FBXO42: variants seen among roughly 807,000 people sequenced by gnomAD.
The protein encoded by FBXO42 is F-box protein 42, also known as F-box only protein 42.
In FBXO42, 12 loss-of-function variants were observed where a neutral mutation model predicts 71.7. That is an observed-to-expected ratio of 0.17 (90% CI 0.11 to 0.27). The LOEUF (loss-of-function observed/expected upper bound fraction) is 0.27. FBXO42 is among the 10% of genes least tolerant of loss of function. The probability of loss-of-function intolerance (pLI) is 1.00; values close to 1 mark genes in which losing one functional copy is unlikely to be tolerated. For synonymous variants in FBXO42, 325 were observed against 327.5 expected, an observed-to-expected ratio of 0.99 and a Z score of 0.08; for missense variants, 707 against 911.9, an observed-to-expected ratio of 0.78 and a Z score of 2.89.
intron 1 of FBXO42, among the ~76,000 whole-genome samples, chr1:16,321,576 C>G (rs571148698): frequency 6.6e-6 from 1 of 152,250 alleles, no homozygotes; most frequent in East Asian, 1.9e-4. Flanking sequence ...AATCTGAACT[C>G]CCTGGAGGCA....
In FBXO42 at chr1:16,247,741, T is replaced by A. The variant is rs1055873922; in HGVS notation, c.*2929A>T. ...ACACCAAATTTGTGCTCCCAAAGTG[T>A]AGGGTAGGGTGAGGTTGTGGAGTCC... On this transcript the variant is annotated 3_prime_UTR_variant, in exon 10 of 10. Transcript: ENST00000375592. 2.0e-5 allele frequency: 3 copies of A among 152,024 alleles called. No individual in the cohort carries two copies. The highest frequency in any genetic ancestry group is 6.6e-5 in the Admixed American group (1 of 15,266). 9.4% of individuals were successfully genotyped at this position (152,024 alleles called of 1,614,324 possible). A position where few individuals can be genotyped will look rare whatever the true frequency, so the allele number is the denominator to read the frequency against.
intron 2 of FBXO42, among the ~76,000 whole-genome samples, chr1:16,314,100 C>T (rs1007768335): frequency 5.9e-5 from 9 of 152,026 alleles, no homozygotes; most frequent in African/African-American, 1.9e-4. Flanking sequence ...ATTAGGTGCC[C>T]ACCACCACAC....
At chr1:16,262,990 C>A (rs1171877439) in intron 4 of FBXO42, among the ~76,000 whole-genome samples, 1 of 151,952 alleles carries the variant, frequency 6.6e-6, no homozygotes, top group East Asian at 1.9e-4. Context: ...GGATTACAGG[C>A]GTGAGCCACA....
chr1:16,342,553 G>C (rs1352417895), intron 1 of FBXO42, among the ~76,000 whole-genome samples: 1 of 147,640 alleles, frequency 6.8e-6, no homozygotes, highest in East Asian at 2.0e-4. Flanking sequence ...CTGCACTCCA[G>C]TCTGGGAGGC....
rs1278763184 is a variant in FBXO42 at position 16,251,163 on chromosome 1, C to T, written c.1661G>A (p.Gly554Asp). ...ASALAGAVSP[G>D]ALRRSLEAIK... ...GGCTTCCAGACTCCGACGCAGGGCA[C>T]CTGGGGAGACGGCCCCTGCAAGGGC... The change falls in exon 10 of 10, where the codon GGT becomes GAT. Residue 554 changes from glycine to aspartate, a missense_variant. Coordinates refer to ENST00000375592, the MANE Select transcript of FBXO42 (RefSeq NM_018994.3). This position sits in a 1 kb window ranked among gnomAD's most constrained non-coding sequence, Gnocchi z 4.5. 1.9e-6 allele frequency: 3 copies of T among 1,614,134 alleles called. No individual in the cohort carries two copies. Among genetic ancestry groups the T allele is most frequent in the Non-Finnish European group, 1.7e-6 (2 of 1,180,034 alleles).
intron 1 of FBXO42, among the ~76,000 whole-genome samples, chr1:16,324,836 C>T (rs1023351125): frequency 2.6e-5 from 4 of 151,862 alleles, no homozygotes; most frequent in Non-Finnish European, 2.9e-5. Flanking sequence ...AAAACAACAA[C>T]AAAAATAAAG....
chr1:16,251,910 T>A lies in FBXO42; in HGVS notation c.1039-125A>T. On this transcript the variant is annotated intron_variant, in intron 9 of 9. Transcript: ENST00000375592. The surrounding 1 kb of genome is among the most constrained non-coding windows in gnomAD (Gnocchi z 4.5). ...TTTGTAGGTACCTGAGATATGAAGATGAAAATGATGTAGTCTGCCCTCTAG... is the reference window on the plus strand; with the variant it reads ...TTTGTAGGTACCTGAGATATGAAGAAGAAAATGATGTAGTCTGCCCTCTAG... 2.5e-6 allele frequency: 3 copies of A among 1,207,774 alleles called. No homozygotes were observed. The highest frequency in any genetic ancestry group is 3.4e-6 in the Non-Finnish European group (3 of 877,470). 74.8% of individuals were successfully genotyped at this position (1,207,774 alleles called of 1,614,324 possible). A position where few individuals can be genotyped will look rare whatever the true frequency, so the allele number is the denominator to read the frequency against.
chr1:16,267,385 T>C (rs965170694), intron 4 of FBXO42, among the ~76,000 whole-genome samples: 3 of 152,148 alleles, frequency 2.0e-5, no homozygotes, highest in African/African-American at 7.2e-5. Flanking sequence ...GCTCTTTAAT[T>C]GCAGTTCTAA....
intron 4 of FBXO42, among the ~76,000 whole-genome samples, chr1:16,260,576 T>C (rs1168068927): frequency 6.6e-6 from 1 of 152,202 alleles, no homozygotes; most frequent in Non-Finnish European, 1.5e-5. Flanking sequence ...AAATTCCTAG[T>C]TTTATTCCTA....
intron 2 of FBXO42, among the ~76,000 whole-genome samples, chr1:16,307,721 G>T (rs1023171579): frequency 6.6e-6 from 1 of 152,028 alleles, no homozygotes; most frequent in South Asian, 2.1e-4. Flanking sequence ...GAAATACTTA[G>T]ATATAACAAA....
At chr1:16,310,082 C>T (rs111721885) in intron 2 of FBXO42, among the ~76,000 whole-genome samples, 3,889 of 151,444 alleles carry the variant, frequency 0.026, 144 homozygotes, top group African/African-American at 0.09. Context: ...GTAGTCCCAG[C>T]TACTCGGGAG....
intron 4 of FBXO42, among the ~76,000 whole-genome samples, chr1:16,289,029 G>T (rs1189624179): frequency 6.6e-6 from 1 of 151,804 alleles, no homozygotes; most frequent in African/African-American, 2.4e-5. Flanking sequence ...AATATTGATG[G>T]CCTTCTGTCT....
intron 3 of FBXO42, among the ~76,000 whole-genome samples, chr1:16,304,946 G>A (rs2082234246): frequency 2.0e-5 from 3 of 152,044 alleles, no homozygotes; most frequent in Non-Finnish European, 4.4e-5. Flanking sequence ...TCCACCCTGG[G>A]CAACAGAGAC....
At chr1:16,275,444 G>A (rs1249525966) in intron 4 of FBXO42, among the ~76,000 whole-genome samples, 3 of 152,034 alleles carry the variant, frequency 2.0e-5, no homozygotes, top group Non-Finnish European at 4.4e-5. Context: ...ACAGTGAGAC[G>A]CTGTCTCTAC....
intron 1 of FBXO42, among the ~76,000 whole-genome samples, chr1:16,332,056 A>G (rs1393077008): frequency 1.3e-5 from 2 of 152,208 alleles, no homozygotes; most frequent in African/African-American, 2.4e-5. Flanking sequence ...TCTCCAAAAA[A>G]AAAAAGAAAA....
intron 3 of FBXO42, among the ~76,000 whole-genome samples, chr1:16,295,920 C>T (rs965206503): frequency 2.0e-5 from 3 of 152,100 alleles, no homozygotes; most frequent in South Asian, 2.1e-4. Flanking sequence ...CCAAGGCATG[C>T]TGGTTGGAGC....
chr1:16,318,138 G>A (rs953323820), intron 1 of FBXO42, among the ~76,000 whole-genome samples: 1 of 152,210 alleles, frequency 6.6e-6, no homozygotes, highest in African/African-American at 2.4e-5. Context: ...TCAAAATACT[G>A]GCCGGGTGCA....
chr1:16,330,284 G>A (rs763541579), intron 1 of FBXO42, among the ~76,000 whole-genome samples: 4 of 152,102 alleles, frequency 2.6e-5, no homozygotes, highest in Non-Finnish European at 4.4e-5. Flanking sequence ...ACTTTGAGAC[G>A]CCAAGATGAG....
intron 1 of FBXO42, among the ~76,000 whole-genome samples, chr1:16,335,842 G>A (rs933702326): frequency 1.3e-5 from 2 of 150,498 alleles, no homozygotes; most frequent in Non-Finnish European, 3.0e-5. Context: ...ATTCCAGCCT[G>A]GGTGACAGTG....
Sources: allele counts gnomAD v4.1 joint callset (sites outside exome capture counted in the v4.1 genomes callset), GRCh38; gene constraint gnomAD v4.1.1; non-coding constraint Gnocchi (gnomAD v3.1); transcripts MANE v1.5; gene names NCBI Gene and HGNC (gene_info 2026-07-23, HGNC 2026-07-21).